ATP13A4: variants seen among roughly 807,000 people sequenced by gnomAD.
The protein encoded by ATP13A4 is probable cation-transporting ATPase 13A4.
Under a neutral mutation model 142.5 loss-of-function variants are expected in ATP13A4, and 114 were observed. That is an observed-to-expected ratio of 0.80 (90% CI 0.69 to 0.93). The LOEUF (loss-of-function observed/expected upper bound fraction) is 0.93, where lower values mean the gene tolerates loss of function less well. Ranked by LOEUF, ATP13A4 falls within the 40% of genes least tolerant of loss-of-function variation. The pLI is 0.00. For synonymous variants in ATP13A4, 488 were observed against 514.8 expected, an observed-to-expected ratio of 0.95 and a Z score of 0.70; for missense variants, 1,392 against 1,454.0, an observed-to-expected ratio of 0.96 and a Z score of 0.69.
chr3:193,583,871 A>C (rs1560291434), intron 1 of ATP13A4, among the ~76,000 whole-genome samples: 1 of 152,210 alleles, frequency 6.6e-6, no homozygotes, highest in Non-Finnish European at 1.5e-5. Flanking sequence ...GATTGCAGAA[A>C]AGGTATAAAA....
At chr3:193,449,771 T>C (rs1179010572) in intron 17 of ATP13A4, among the ~76,000 whole-genome samples, 3 of 152,158 alleles carry the variant, frequency 2.0e-5, no homozygotes, top group Non-Finnish European at 4.4e-5. Context: ...ATTGAAACCC[T>C]CCCAATGTTC....
intron 1 of ATP13A4, among the ~76,000 whole-genome samples, chr3:193,531,268 AAGTGAGGGAGGG>A (rs1424888590): frequency 9.8e-6 from 1 of 102,436 alleles, no homozygotes; most frequent in African/African-American, 3.5e-5. Context: ...AGGGCTCAAT[AAGTGAGGGAGGG>A]AGGGAGGGAG....
At position 193,457,835 on chromosome 3, in the gene ATP13A4, G is replaced by A. The variant is rs139885268; in HGVS notation, c.1675-370C>T. Among the ~76,000 whole-genome samples, 123 of 152,284 alleles carry A rather than the reference G, an allele frequency of 8.1e-4. 2 individuals are homozygous for A. In the East Asian group the frequency reaches 0.022, roughly 27 times the overall value. ...CTGTCGTTCTTTTCCTGCACTTCAC[G>A]GCTCTTCCTGCCCTTGCATGTGTGT... On this transcript the variant is annotated intron_variant, in intron 14 of 29. Transcript: ENST00000342695.
At chr3:193,550,950 C>A (rs188191234) in intron 1 of ATP13A4, among the ~76,000 whole-genome samples, 5 of 152,098 alleles carry the variant, frequency 3.3e-5, no homozygotes, top group African/African-American at 1.2e-4. Context: ...AATAGAAATA[C>A]AAAACGTCAG....
chr3:193,418,548 T>C (rs1431385512), intron 25 of ATP13A4, among the ~76,000 whole-genome samples: 3 of 149,214 alleles, frequency 2.0e-5, no homozygotes, highest in Non-Finnish European at 4.4e-5. Flanking sequence ...TCCCAGGAAA[T>C]ATCTGGCATC....
intron 1 of ATP13A4, among the ~76,000 whole-genome samples, chr3:193,547,474 T>C (rs964172428): frequency 5.9e-5 from 9 of 152,206 alleles, no homozygotes; most frequent in Admixed American, 4.6e-4. Flanking sequence ...CCTGATTCTA[T>C]AGATCAATAT....
intron 6 of ATP13A4, 125 bp downstream of exon 6, chr3:193,491,204 G>T: frequency 1.3e-6 from 1 of 799,480 alleles, no homozygotes. Context: ...TAATATGCTT[G>T]GCATACTTTC....
chr3:193,548,657 T>G lies in ATP13A4; in HGVS notation c.60+6083A>C, dbSNP rs550062080. Among the ~76,000 whole-genome samples, 533 of 152,040 alleles carry G rather than the reference T, an allele frequency of 3.5e-3. 4 individuals are homozygous for G. Among genetic ancestry groups the G allele is most frequent in the African/African-American group, 0.012 (501 of 41,478 alleles). On this transcript the variant is annotated intron_variant, in intron 1 of 29. Coordinates refer to ENST00000342695, the MANE Select transcript of ATP13A4 (RefSeq NM_032279.4). ...CAAGTGGCTATTGAGGTGGGGGAGG[T>G]GCTTTTGCTCCCGGGTGTTAGAGAA...
At chr3:193,475,945 G>A (rs568358631) in intron 8 of ATP13A4, among the ~76,000 whole-genome samples, 1 of 152,072 alleles carries the variant, frequency 6.6e-6, no homozygotes, top group East Asian at 1.9e-4. Context: ...AAGCAAAAGA[G>A]TAATCTCTTC....
chr3:193,589,510 C>G (rs1207035258), intron 1 of ATP13A4, among the ~76,000 whole-genome samples: 1 of 152,070 alleles, frequency 6.6e-6, no homozygotes, highest in East Asian at 1.9e-4. Flanking sequence ...CTCTCATTAC[C>G]TTCCTTTCTG....
intron 29 of ATP13A4, 143 bp from the exon 30 acceptor site, chr3:193,403,007 G>T (rs1018043310): frequency 3.9e-6 from 3 of 776,722 alleles, no homozygotes; most frequent in Non-Finnish European, 6.5e-6. Context: ...CCAATCTAAG[G>T]TGGTTTCATT....
At chr3:193,477,184 T>G (rs1478778992) in intron 8 of ATP13A4, among the ~76,000 whole-genome samples, 1 of 152,124 alleles carries the variant, frequency 6.6e-6, no homozygotes, top group Non-Finnish European at 1.5e-5. Context: ...GAACATTGCC[T>G]GTATAACTAT....
chr3:193,433,970 T>C, intron 24 of ATP13A4, 53 bp from the exon 25 acceptor site: 1 of 1,314,510 alleles, frequency 7.6e-7, no homozygotes, highest in South Asian at 1.2e-5. Context: ...TGGATGAAAT[T>C]AGATATTGAT....
chr3:193,449,654 C>A (rs1478689670), intron 17 of ATP13A4, among the ~76,000 whole-genome samples: 1 of 152,200 alleles, frequency 6.6e-6, no homozygotes, highest in Non-Finnish European at 1.5e-5. Context: ...GAACCACTAG[C>A]CATGGGTTTT....
At chr3:193,431,000 A>G (rs1464087864) in intron 25 of ATP13A4, among the ~76,000 whole-genome samples, 2 of 152,064 alleles carry the variant, frequency 1.3e-5, no homozygotes, top group African/African-American at 2.4e-5. Context: ...TGGCGGCTAC[A>G]TTGAAAATGG....
chr3:193,545,672 C>T (rs1422476863), intron 1 of ATP13A4, among the ~76,000 whole-genome samples: 1 of 152,132 alleles, frequency 6.6e-6, no homozygotes, highest in Non-Finnish European at 1.5e-5. Flanking sequence ...CGGCAAATGA[C>T]TAACTCCCTC....
intron 23 of ATP13A4, among the ~76,000 whole-genome samples, chr3:193,437,843 T>TTTTG (rs1553838965): frequency 4.7e-5 from 7 of 148,142 alleles, no homozygotes; most frequent in African/African-American, 1.8e-4. Context: ...TTTTTTTTTT[T>TTTTG]TTTTTTGAGA....
intron 25 of ATP13A4, among the ~76,000 whole-genome samples, chr3:193,417,924 C>T (rs1290125983): frequency 6.8e-6 from 1 of 146,756 alleles, no homozygotes; most frequent in Non-Finnish European, 1.5e-5. Flanking sequence ...AGATCGAGAC[C>T]ATCCCGGCTA....
chr3:193,563,054 T>C (rs943323442), intron 2 of ATP13A4, among the ~76,000 whole-genome samples: 11 of 152,092 alleles, frequency 7.2e-5, no homozygotes, highest in African/African-American at 2.4e-4. Context: ...TAAGATTGTA[T>C]ACATGCCCAG....
Sources: allele counts gnomAD v4.1 joint callset (sites outside exome capture counted in the v4.1 genomes callset), GRCh38; gene constraint gnomAD v4.1.1; transcripts MANE v1.5; gene names NCBI Gene and HGNC (gene_info 2026-07-23, HGNC 2026-07-21).